The following TMEM17 variants were observed in gnomAD, a reference collection of about 807,000 sequenced individuals.
TMEM17 encodes the protein transmembrane protein 17.
In TMEM17, 15 loss-of-function variants were observed where a neutral mutation model predicts 19.1. That is an observed-to-expected ratio of 0.78 (90% confidence interval 0.52 to 1.21). The LOEUF (loss-of-function observed/expected upper bound fraction) is 1.21, where lower values mean the gene tolerates loss of function less well. Ranked by LOEUF, TMEM17 falls within the 50% of genes most tolerant of loss-of-function variation. The pLI is 0.00. For synonymous variants in TMEM17, 103 were observed against 86.9 expected (o/e 1.19, Z -1.03); for missense variants, 245 against 242.3 (o/e 1.01, Z -0.07).
the TMEM17 span, among the ~76,000 whole-genome samples, chr2:62,459,006 T>A: frequency 5.4e-3 from 824 of 152,368 alleles, 10 homozygotes; most frequent in African/African-American, 0.019. Flanking sequence ...TACGACTTCA[T>A]ATGGACATAT....
chr2:62,486,160 G>A, the TMEM17 span, among the ~76,000 whole-genome samples: 50,545 of 152,034 alleles, frequency 0.33, 8,855 homozygotes, highest in South Asian at 0.49. Context: ...GGAAAGAATG[G>A]TTCAGGCCTG....
chr2:62,475,209 A>T, the TMEM17 span, among the ~76,000 whole-genome samples: 1 of 152,222 alleles, frequency 6.6e-6, no homozygotes, highest in Admixed American at 6.5e-5. Flanking sequence ...AAGGCCACTC[A>T]AGGATGGTGA....
the TMEM17 span, among the ~76,000 whole-genome samples, chr2:62,472,822 G>T: frequency 4.6e-5 from 7 of 152,288 alleles, no homozygotes; most frequent in African/African-American, 1.7e-4. Context: ...GCCTCAGGAA[G>T]CACATGGAGG....
the TMEM17 span, among the ~76,000 whole-genome samples, chr2:62,472,861 A>G: frequency 2.0e-5 from 3 of 152,246 alleles, no homozygotes; most frequent in African/African-American, 7.2e-5. Context: ...ACACATTCAA[A>G]ACAATTAGAA....
chr2:62,494,193 A>G, the TMEM17 span, among the ~76,000 whole-genome samples: 1 of 152,242 alleles, frequency 6.6e-6, no homozygotes, highest in Non-Finnish European at 1.5e-5. Flanking sequence ...AGCTAATTAA[A>G]TTGTTGACTT....
the TMEM17 span, among the ~76,000 whole-genome samples, chr2:62,481,914 T>G: frequency 2.6e-5 from 4 of 152,136 alleles, no homozygotes; most frequent in Non-Finnish European, 5.9e-5. Context: ...TGAGGAAGGA[T>G]AGAAATCAGT....
the TMEM17 span, among the ~76,000 whole-genome samples, chr2:62,471,232 G>T: frequency 6.6e-6 from 1 of 152,178 alleles, no homozygotes; most frequent in South Asian, 2.1e-4. Flanking sequence ...GTCTTGGGAA[G>T]CTTAGAACCA....
the TMEM17 span, among the ~76,000 whole-genome samples, chr2:62,465,594 A>AG: frequency 4.2e-5 from 6 of 142,166 alleles, no homozygotes; most frequent in African/African-American, 1.7e-4. Flanking sequence ...CCTTGTCTAT[A>AG]TTAAAAAAAA....
chr2:62,467,437 G>T, the TMEM17 span, among the ~76,000 whole-genome samples: 1 of 152,174 alleles, frequency 6.6e-6, no homozygotes, highest in Non-Finnish European at 1.5e-5. Flanking sequence ...ATGAACATGT[G>T]AACTTGGAAG....
chr2:62,471,040 A>G, the TMEM17 span, among the ~76,000 whole-genome samples: 4 of 152,228 alleles, frequency 2.6e-5, no homozygotes, highest in East Asian at 7.7e-4. Flanking sequence ...GAGGAAGCTC[A>G]GCCTCTCTCC....
the TMEM17 span, among the ~76,000 whole-genome samples, chr2:62,482,076 A>G: frequency 1.3e-5 from 2 of 152,122 alleles, no homozygotes; most frequent in Non-Finnish European, 2.9e-5. Context: ...CTTGACCACT[A>G]CTCCTTACCA....
chr2:62,475,815 A>G, the TMEM17 span, among the ~76,000 whole-genome samples: 3 of 152,234 alleles, frequency 2.0e-5, no homozygotes, highest in African/African-American at 7.2e-5. Context: ...AATCAGGAAC[A>G]AAACATGACT....
the TMEM17 span, among the ~76,000 whole-genome samples, chr2:62,473,001 C>T: frequency 1.3e-5 from 2 of 152,180 alleles, no homozygotes; most frequent in Non-Finnish European, 1.5e-5. Flanking sequence ...TTCAGGAGGC[C>T]AGAACTGCCT....
At chr2:62,496,254 G>A (rs146799688), downstream of TMEM17, among the ~76,000 whole-genome samples, 165 of 152,238 alleles carry the variant, frequency 1.1e-3, 1 homozygote, top group African/African-American at 3.8e-3. Context: ...TTGGCAATAT[G>A]CCCTTAAAAA....
At chr2:62,491,653 G>A in the TMEM17 span, among the ~76,000 whole-genome samples, 8 of 152,076 alleles carry the variant, frequency 5.3e-5, no homozygotes, top group Non-Finnish European at 1.0e-4. Context: ...TTTTCAAAAT[G>A]GGAAATGGTA....
downstream of TMEM17, chr2:62,500,161 C>A (rs1226467578): frequency 6.6e-6 from 1 of 152,206 alleles, no homozygotes; most frequent in African/African-American, 2.4e-5. Context: ...TCTCTTGCAA[C>A]TCTGTAATAA....
the TMEM17 span, among the ~76,000 whole-genome samples, chr2:62,493,809 CTT>C: frequency 6.6e-6 from 1 of 152,200 alleles, no homozygotes; most frequent in East Asian, 1.9e-4. Flanking sequence ...AGTTCAAACT[CTT>C]TATAATAATC....
At chr2:62,471,973 G>A in the TMEM17 span, among the ~76,000 whole-genome samples, 4 of 152,200 alleles carry the variant, frequency 2.6e-5, no homozygotes, top group Admixed American at 6.5e-5. Context: ...ACTCAGATGC[G>A]GAGTCAAGGA....
In TMEM17 at chr2:62,506,153, C is replaced by A; in HGVS notation, c.-24G>T. 1 of 1,585,224 alleles carries A rather than the reference C, an allele frequency of 6.3e-7. No individual in the cohort carries two copies. The highest frequency in any genetic ancestry group is 8.6e-7 in the Non-Finnish European group (1 of 1,165,852). On this transcript the variant is annotated 5_prime_UTR_variant, in exon 1 of 4. Coordinates refer to ENST00000335390, the MANE Select transcript of TMEM17 (RefSeq NM_198276.3). ...ATGCCTGGGCCTCAGTATCCCTCAC[C>A]CCCTCAGACACGGGCTAGTCTGCGG...
Sources: allele counts gnomAD v4.1 joint callset (sites outside exome capture counted in the v4.1 genomes callset), GRCh38; gene constraint gnomAD v4.1.1; transcripts MANE v1.5; gene names NCBI Gene and HGNC (gene_info 2026-07-23, HGNC 2026-07-21).